The following CFAP251 variants were observed in gnomAD, a reference collection of about 807,000 sequenced individuals.
The protein encoded by CFAP251 is cilia- and flagella-associated protein 251.
CFAP251 carries 93 observed loss-of-function variants against 126.7 expected under a neutral mutation model. The ratio of observed to expected loss-of-function variants is 0.73; its 90% confidence interval spans 0.62 to 0.87. CFAP251 has a LOEUF of 0.87. Among genes scored for constraint, CFAP251 ranks in the 40% least tolerant of loss-of-function variants. The pLI is 0.00. For missense variants in CFAP251, 1,287 were observed against 1,389.2 expected, an observed-to-expected ratio of 0.93 and a Z score of 1.17; for synonymous variants, 503 against 506.9, an observed-to-expected ratio of 0.99 and a Z score of 0.10.
chr12:121,921,163 C>G lies in CFAP251; in HGVS notation c.-20-123C>G, dbSNP rs56147702. 10,376 of 1,133,006 alleles carry G rather than the reference C, an allele frequency of 9.2e-3. 75 individuals are homozygous for G. The highest frequency in any genetic ancestry group is 0.011 in the Non-Finnish European group (9,346 of 827,788). 70.2% of individuals were successfully genotyped at this position (1,133,006 alleles called of 1,614,324 possible). ...CGTGCCTGGTCAGAAACATGACATT[C>G]TTTTTATTCCTATGGAAAGGGAACA... On this transcript the variant is annotated intron_variant, in intron 1 of 21. Coordinates refer to ENST00000288912, the MANE Select transcript of CFAP251 (RefSeq NM_144668.6).
At chr12:121,928,574 C>G (rs1024511219) in intron 3 of CFAP251, among the ~76,000 whole-genome samples, 1 of 149,066 alleles carries the variant, frequency 6.7e-6, no homozygotes, top group African/African-American at 2.5e-5. Flanking sequence ...GCATCACTTT[C>G]AGCACTCTAC....
intron 15 of CFAP251, among the ~76,000 whole-genome samples, chr12:121,963,689 C>T (rs895199347): frequency 1.3e-5 from 2 of 149,116 alleles, no homozygotes; most frequent in African/African-American, 2.5e-5. Flanking sequence ...GATTGTGCCT[C>T]GAGTACAGCA....
intron 7 of CFAP251, among the ~76,000 whole-genome samples, chr12:121,946,127 T>C (rs1411596405): frequency 6.6e-6 from 1 of 152,192 alleles, no homozygotes; most frequent in Non-Finnish European, 1.5e-5. Flanking sequence ...CTGATTATTG[T>C]TTATCAGTTT....
intron 4 of CFAP251, 55 bp from the exon 5 acceptor site, chr12:121,934,192 C>A: frequency 6.9e-7 from 1 of 1,441,550 alleles, no homozygotes; most frequent in Non-Finnish European, 9.6e-7. Context: ...CTGATAGTGG[C>A]CAAGGCTGGG....
At chr12:121,941,867 TG>T (rs1216109241) in intron 5 of CFAP251, among the ~76,000 whole-genome samples, 2 of 152,202 alleles carry the variant, frequency 1.3e-5, no homozygotes, top group Middle Eastern at 3.2e-3. Flanking sequence ...ACAGCCAAAC[TG>T]CTTCTAGAAA....
chr12:121,988,635 A>G (rs1882805262), intron 19 of CFAP251, among the ~76,000 whole-genome samples: 1 of 152,192 alleles, frequency 6.6e-6, no homozygotes, highest in Admixed American at 6.5e-5. Context: ...TCCATTCACG[A>G]ACAGATGGAC....
chr12:121,934,225 C>T (rs749207247), intron 4 of CFAP251, 22 bp from the exon 5 acceptor site: 7 of 1,598,886 alleles, frequency 4.4e-6, no homozygotes, highest in Admixed American at 1.7e-5. Context: ...TGTTTCAAAG[C>T]GTTTTCTCTC....
At chr12:121,980,705 C>T (rs1488928636) in intron 19 of CFAP251, among the ~76,000 whole-genome samples, 3 of 152,194 alleles carry the variant, frequency 2.0e-5, no homozygotes, top group African/African-American at 7.2e-5. Context: ...ACTGTTCCCA[C>T]GGCCGCTGCA....
intron 11 of CFAP251, 145 bp downstream of exon 11, chr12:121,957,413 T>G: frequency 1.1e-6 from 1 of 905,500 alleles, no homozygotes; most frequent in Non-Finnish European, 1.6e-6. Context: ...AAAAAATTAA[T>G]GAAACATAAG....
At chr12:121,952,628 C>T (rs151011602) in intron 9 of CFAP251, 1 of 152,118 alleles carries the variant, frequency 6.6e-6, no homozygotes, top group Non-Finnish European at 1.5e-5. Context: ...GAACTTGAGT[C>T]GTCTCCTGTA....
rs202063312 is a variant in CFAP251 at position 122,003,707 on chromosome 12, C to T, written c.3393C>T (p.Phe1131=). Residue 1131 remains phenylalanine (F), a synonymous_variant, in exon 22 of 22, where the codon TTC becomes TTT. Coordinates refer to ENST00000288912, the MANE Select transcript of CFAP251 (RefSeq NM_144668.6). ...CAGACGAAATCACTGCAGAAATATT[C>T]GCGACTGAAATTCTTGGCTTAACCA... ...ELPDEITAEI[F]ATEILGLTIS... 196 of 1,609,786 alleles carry T rather than the reference C, an allele frequency of 1.2e-4. No individual in the cohort carries two copies. Among genetic ancestry groups the T allele is most frequent in the Non-Finnish European group, 1.5e-4 (181 of 1,178,754 alleles).
Position 121,934,271 on chromosome 12 carries a change from C to G in CFAP251, c.913C>G (p.Leu305Val). The G allele has an allele frequency of 1.2e-6, 2 of 1,614,042 alleles. No individual in the cohort carries two copies. Among genetic ancestry groups the G allele is most frequent in the Non-Finnish European group, 1.7e-6 (2 of 1,179,992 alleles). Residue 305 changes from leucine (L) to valine (V), a missense_variant, in exon 5 of 22, where the codon CTC (leucine) becomes GTC (valine). Transcript: ENST00000288912. ...LQGHANIISC[L>V]CVSEDRRWIA... ...GGGCCACGCCAATATTATCTCCTGC[C>G]TCTGCGTCAGTGAAGACAGGCGGTG...
chr12:121,923,085 G>A lies in CFAP251; in HGVS notation c.379-537G>A, dbSNP rs1387494309. Among the ~76,000 whole-genome samples, 5 of 151,776 alleles carry A rather than the reference G, an allele frequency of 3.3e-5. 1 individual carries two copies. Among genetic ancestry groups the A allele is most frequent in the South Asian group, 4.2e-4 (2 of 4,810 alleles). On this transcript the variant is annotated intron_variant, in intron 2 of 21. Coordinates refer to ENST00000288912, the MANE Select transcript of CFAP251 (RefSeq NM_144668.6). ...GCTGGGATTACAGGCGTGAACCACC[G>A]TGCCTGGCTCTTTTCTTATCTTTTC...
At chr12:121,969,643 G>A (rs985606367) in intron 17 of CFAP251, 2 of 774,494 alleles carry the variant, frequency 2.6e-6, no homozygotes, top group African/African-American at 1.9e-5. Flanking sequence ...ATGCCAATGT[G>A]CCTGGCTAAC....
At chr12:121,975,714 C>T (rs372196236) in intron 19 of CFAP251, 29 bp downstream of exon 19, 128 of 1,537,894 alleles carry the variant, frequency 8.3e-5, no homozygotes, top group Non-Finnish European at 1.0e-4. Flanking sequence ...AGAGCAGCAA[C>T]GGGATGTGCT....
At chr12:121,941,502 T>A (rs1166340447) in intron 5 of CFAP251, among the ~76,000 whole-genome samples, 2 of 151,740 alleles carry the variant, frequency 1.3e-5, no homozygotes, top group African/African-American at 4.8e-5. Flanking sequence ...CCTGGCTAAT[T>A]TTTCTATTTT....
rs761461302 is a variant in CFAP251, at chr12:121,934,274, T to C, written c.916T>C (p.Cys306Arg). 3.1e-6 allele frequency: 5 copies of C among 1,614,038 alleles called. No individual in the cohort carries two copies. The highest frequency in any genetic ancestry group is 1.7e-5 in the Admixed American group (1 of 60,006). Residue 306 changes from cysteine (C) to arginine (R), a missense_variant, in exon 5 of 22, where the codon TGC becomes CGC. Transcript: ENST00000288912. ...QGHANIISCLCVSEDRRWIAT... is the reference protein window; with the variant it reads ...QGHANIISCLRVSEDRRWIAT... Reference sequence around the variant, plus strand: ...CCACGCCAATATTATCTCCTGCCTCTGCGTCAGTGAAGACAGGCGGTGGAT... The same window carrying C: ...CCACGCCAATATTATCTCCTGCCTCCGCGTCAGTGAAGACAGGCGGTGGAT...
rs1163675615 is a variant in CFAP251 at position 121,958,668 on chromosome 12, G to A, written c.1981+146G>A. The stretch of plus-strand genomic sequence containing the variant: ...GAGGCGCCTTCTCTCTGGGGCTCCC[G>A]TGGTGTTCTGGGCCTATCTGTGCGT... On this transcript the variant is annotated intron_variant, in intron 12 of 21. Coordinates refer to ENST00000288912, the MANE Select transcript of CFAP251 (RefSeq NM_144668.6). 2.8e-5 allele frequency: 37 copies of A among 1,341,974 alleles called. 1 individual carries two copies. The highest frequency in any genetic ancestry group is 2.1e-4 in the South Asian group (15 of 72,038). The allele number at this position is 1,341,974 out of a possible 1,614,324, so 83.1% of individuals were successfully genotyped here.
At chr12:121,986,351 G>A (rs1019217079) in intron 19 of CFAP251, among the ~76,000 whole-genome samples, 2 of 147,898 alleles carry the variant, frequency 1.4e-5, no homozygotes, top group Non-Finnish European at 3.0e-5. Context: ...AGGCTGCAGC[G>A]CAGTGGCACG....
Sources: allele counts gnomAD v4.1 joint callset (sites outside exome capture counted in the v4.1 genomes callset), GRCh38; gene constraint gnomAD v4.1.1; transcripts MANE v1.5; gene names NCBI Gene and HGNC (gene_info 2026-07-23, HGNC 2026-07-21).